CATSPERT: variants seen among roughly 807,000 people sequenced by gnomAD.
CATSPERT encodes the protein catsper channel auxiliary subunit tau.
At chr2:201,606,656 T>C in the CATSPERT span, among the ~76,000 whole-genome samples, 6 of 152,188 alleles carry the variant, frequency 3.9e-5, no homozygotes, top group East Asian at 1.9e-4. Context: ...CCCAACACTT[T>C]GGGAGGCCGA....
chr2:201,508,246 A>T, the CATSPERT span, among the ~76,000 whole-genome samples: 11 of 152,360 alleles, frequency 7.2e-5, no homozygotes, highest in African/African-American at 2.4e-4. Context: ...TGAGAGAACT[A>T]TAGGACAATA....
the CATSPERT span, chr2:201,536,061 T>A: frequency 1.9e-6 from 3 of 1,613,186 alleles, no homozygotes; most frequent in Non-Finnish European, 2.5e-6. Context: ...GCTTGGATAG[T>A]TATCTTTTAA....
the CATSPERT span, among the ~76,000 whole-genome samples, chr2:201,566,977 C>G: frequency 6.6e-6 from 1 of 152,178 alleles, no homozygotes; most frequent in Non-Finnish European, 1.5e-5. Flanking sequence ...AAAGATTAAA[C>G]AACTCCTCCC....
chr2:201,523,361 C>T, the CATSPERT span, among the ~76,000 whole-genome samples: 4 of 152,184 alleles, frequency 2.6e-5, no homozygotes, highest in East Asian at 1.9e-4. Context: ...GGTTAGAGCA[C>T]ACAGCCCAGG....
the CATSPERT span, among the ~76,000 whole-genome samples, chr2:201,618,620 A>C: frequency 6.6e-6 from 1 of 151,820 alleles, no homozygotes; most frequent in Non-Finnish European, 1.5e-5. Flanking sequence ...ATGACGAGTT[A>C]ATGGGTGCAG....
chr2:201,560,488 A>G, the CATSPERT span, among the ~76,000 whole-genome samples: 4 of 150,514 alleles, frequency 2.7e-5, no homozygotes, highest in Non-Finnish European at 3.0e-5. Context: ...AACAACAATA[A>G]TAATAATGAA....
the CATSPERT span, among the ~76,000 whole-genome samples, chr2:201,539,511 G>GTTTTTTTT: frequency 1.1e-5 from 1 of 89,758 alleles, no homozygotes; most frequent in Non-Finnish European, 2.1e-5. Flanking sequence ...TTTTAACGAG[G>GTTTTTTTT]TTTTTTTTTT....
At chr2:201,584,028 T>C in the CATSPERT span, among the ~76,000 whole-genome samples, 1 of 152,078 alleles carries the variant, frequency 6.6e-6, no homozygotes, top group Non-Finnish European at 1.5e-5. Context: ...GAACTAGAAT[T>C]AAGGAATCCC....
At chr2:201,567,784 A>C in the CATSPERT span, among the ~76,000 whole-genome samples, 1 of 152,210 alleles carries the variant, frequency 6.6e-6, no homozygotes, top group Admixed American at 6.5e-5. Context: ...ATCTCATCAT[A>C]AACACCCTCC....
chr2:201,554,955 T>C, the CATSPERT span: 1 of 152,224 alleles, frequency 6.6e-6, no homozygotes, highest in East Asian at 1.9e-4. Flanking sequence ...CTTGACATAA[T>C]AGTCTTTTAT....
At chr2:201,524,088 A>C in the CATSPERT span, among the ~76,000 whole-genome samples, 3 of 152,202 alleles carry the variant, frequency 2.0e-5, no homozygotes, top group African/African-American at 4.8e-5. Flanking sequence ...TGTCCACAAA[A>C]TATATAATCC....
the CATSPERT span, among the ~76,000 whole-genome samples, chr2:201,488,806 G>A: frequency 6.6e-6 from 1 of 152,180 alleles, no homozygotes; most frequent in Non-Finnish European, 1.5e-5. Context: ...ACTGTATAAC[G>A]AGTCTAAAGA....
At chr2:201,602,890 G>A in the CATSPERT span, among the ~76,000 whole-genome samples, 3 of 152,240 alleles carry the variant, frequency 2.0e-5, no homozygotes, top group East Asian at 5.8e-4. Flanking sequence ...AATTAATAAA[G>A]GGGGATAAAA....
At chr2:201,540,568 C>T in the CATSPERT span, among the ~76,000 whole-genome samples, 1 of 152,194 alleles carries the variant, frequency 6.6e-6, no homozygotes, top group African/African-American at 2.4e-5. Flanking sequence ...GACAGCAGAT[C>T]TGTTTGCAGC....
chr2:201,612,139 T>C, the CATSPERT span, among the ~76,000 whole-genome samples: 2 of 152,130 alleles, frequency 1.3e-5, no homozygotes, highest in Non-Finnish European at 2.9e-5. Flanking sequence ...TTCCTTTTGC[T>C]CTCCTTTAAG....
At chr2:201,491,336 C>A in the CATSPERT span, 1 of 1,537,638 alleles carries the variant, frequency 6.5e-7, no homozygotes, top group Middle Eastern at 1.7e-4. Context: ...GGTTTTAGAT[C>A]TTCTATCTTA....
chr2:201,600,757 T>A, the CATSPERT span, among the ~76,000 whole-genome samples: 1 of 2,366 alleles, frequency 4.2e-4, no homozygotes, highest in South Asian at 0.17. Flanking sequence ...ATGTCATTCT[T>A]TTTTTTTTTT....
At chr2:201,574,310 G>T in the CATSPERT span, 1 of 1,549,240 alleles carries the variant, frequency 6.5e-7, no homozygotes, top group Non-Finnish European at 8.8e-7. Flanking sequence ...TGTTTGATCA[G>T]GATGATATTT....
the CATSPERT span, among the ~76,000 whole-genome samples, chr2:201,524,636 T>A: frequency 1.3e-5 from 2 of 152,172 alleles, no homozygotes; most frequent in African/African-American, 4.8e-5. Flanking sequence ...TAATCTTGAA[T>A]GTAAATGTAA....
Sources: allele counts gnomAD v4.1 joint callset (sites outside exome capture counted in the v4.1 genomes callset), GRCh38; gene constraint gnomAD v4.1.1; transcripts MANE v1.5; gene names NCBI Gene and HGNC (gene_info 2026-07-23, HGNC 2026-07-21).